The following GBE1 variants were observed in gnomAD, a reference collection of about 807,000 sequenced individuals.
GBE1 encodes 1,4-alpha-glucan-branching enzyme.
GBE1 carries 70 observed loss-of-function variants against 88.8 expected under a neutral mutation model. The ratio of observed to expected loss-of-function variants is 0.79; its 90% CI spans 0.65 to 0.96. The LOEUF (loss-of-function observed/expected upper bound fraction) is 0.96, where lower values mean the gene tolerates loss of function less well. Ranked by LOEUF, GBE1 falls within the 40% of genes least tolerant of loss-of-function variation. The pLI is 0.00. For synonymous variants in GBE1, 284 were observed against 300.1 expected, an observed-to-expected ratio of 0.95 and a Z score of 0.56; for missense variants, 872 against 871.0, an observed-to-expected ratio of 1.00 and a Z score of -0.01.
At chr3:81,553,960 A>G (rs1703313243) in intron 12 of GBE1, among the ~76,000 whole-genome samples, 1 of 152,132 alleles carries the variant, frequency 6.6e-6, no homozygotes, top group Admixed American at 6.5e-5. Flanking sequence ...AAAATATAAG[A>G]CGAGGATAAG....
chr3:81,649,507 T>C (rs541569579), intron 4 of GBE1, among the ~76,000 whole-genome samples: 2 of 137,656 alleles, frequency 1.5e-5, no homozygotes, highest in East Asian at 2.4e-4. Context: ...TCAGAAATTG[T>C]AGTTTAAAAA....
intron 3 of GBE1, among the ~76,000 whole-genome samples, chr3:81,659,625 G>A (rs1481010936): frequency 6.6e-6 from 1 of 151,194 alleles, no homozygotes; most frequent in Non-Finnish European, 1.5e-5. Flanking sequence ...TGTGATGACA[G>A]GTATGAGCCA....
intron 2 of GBE1, among the ~76,000 whole-genome samples, chr3:81,681,441 A>G (rs1559686058): frequency 6.6e-6 from 1 of 152,192 alleles, no homozygotes; most frequent in Non-Finnish European, 1.5e-5. Context: ...CTAAAACACA[A>G]TCTTCTATCT....
In GBE1 at chr3:81,737,284, AAAAT is replaced by A. The variant is rs1196900733; in HGVS notation, c.143+24087_143+24090del. Among the ~76,000 whole-genome samples, 100 of 141,210 alleles carry A rather than the reference AAAAT, an allele frequency of 7.1e-4. No individual in the cohort carries two copies. In the Middle Eastern group the frequency reaches 0.015, roughly 21 times the overall value. The allele number at this position is 141,210 out of a possible 152,430, so 92.6% of individuals were successfully genotyped here. A position where few individuals can be genotyped will look rare whatever the true frequency, so the allele number is the denominator to read the frequency against. The stretch of plus-strand genomic sequence containing the variant: ...ATAAATATATATATTCATGTACTTC[AAAAT>A]AAATATTTATATAAATATATATTTA... On this transcript the variant is annotated intron_variant, in intron 1 of 15. Coordinates refer to ENST00000429644, the MANE Select transcript of GBE1 (RefSeq NM_000158.4).
chr3:81,514,389 T>G (rs1173522090), intron 14 of GBE1, among the ~76,000 whole-genome samples: 1 of 151,706 alleles, frequency 6.6e-6, no homozygotes, highest in Non-Finnish European at 1.5e-5. Flanking sequence ...TGATATTATC[T>G]AAACACTTTC....
At chr3:81,679,542 G>A (rs924743871) in intron 2 of GBE1, among the ~76,000 whole-genome samples, 3 of 152,154 alleles carry the variant, frequency 2.0e-5, no homozygotes, top group African/African-American at 7.2e-5. Context: ...TGGTCCTTGG[G>A]ATAATTTGGA....
At chr3:81,612,321 A>G (rs1337776191) in intron 7 of GBE1, 5 of 855,052 alleles carry the variant, frequency 5.8e-6, no homozygotes, top group South Asian at 1.4e-5. Flanking sequence ...TGTTTCGTCA[A>G]ATCCATTCCA....
Position 81,761,543 on chromosome 3 carries a change from G to C in GBE1, c.-26C>G, listed in dbSNP as rs748550942. 2.9e-5 allele frequency: 42 copies of C among 1,445,716 alleles called. No homozygotes were observed. The highest frequency in any genetic ancestry group is 3.6e-5 in the Non-Finnish European group (40 of 1,105,270). The allele number at this position is 1,445,716 out of a possible 1,614,324, so 89.6% of individuals were successfully genotyped here. A position where few individuals can be genotyped will look rare whatever the true frequency, so the allele number is the denominator to read the frequency against. ...ATTCCGCCGCAGTCCAAGTAGCCGA[G>C]GCCCGAGAGGTCGAGTGGGGCCTGA... On this transcript the variant is annotated 5_prime_UTR_variant, in exon 1 of 16. Transcript: ENST00000429644.
At chr3:81,614,385 C>A (rs899541682) in intron 7 of GBE1, among the ~76,000 whole-genome samples, 3 of 152,134 alleles carry the variant, frequency 2.0e-5, no homozygotes, top group Non-Finnish European at 4.4e-5. Context: ...TTCTAAGTGA[C>A]TGCATAAGCA....
At chr3:81,582,060 C>A (rs972364146) in intron 10 of GBE1, among the ~76,000 whole-genome samples, 2 of 152,062 alleles carry the variant, frequency 1.3e-5, no homozygotes, top group Non-Finnish European at 2.9e-5. Flanking sequence ...ACTATAAATT[C>A]TCTTCCTCTG....
rs150990059 is a variant in GBE1 at position 81,549,030 on chromosome 3, CTT to C, written c.1619-11937_1619-11936del. ...AATTTGGAAACTATTTGTGAGTATT[CTT>C]TTTTTTTTTTTTTTTTCAGATGGAG... On this transcript the variant is annotated intron_variant, in intron 12 of 15. Coordinates refer to ENST00000429644, the MANE Select transcript of GBE1 (RefSeq NM_000158.4). 5.6e-3 allele frequency among the ~76,000 whole-genome samples: 645 copies of C among 114,234 alleles called. 12 individuals carry two copies. Among genetic ancestry groups the C allele is most frequent in the Middle Eastern group, 0.014 (3 of 222 alleles). The allele number at this position is 114,234 out of a possible 152,430, so 74.9% of individuals were successfully genotyped here.
chr3:81,572,550 T>G (rs975403014), intron 12 of GBE1, among the ~76,000 whole-genome samples: 1 of 152,200 alleles, frequency 6.6e-6, no homozygotes, highest in Non-Finnish European at 1.5e-5. Context: ...TAAATTTTGT[T>G]TAGTTAGCAG....
chr3:81,611,141 A>G (rs996167342), intron 7 of GBE1, among the ~76,000 whole-genome samples: 3 of 152,174 alleles, frequency 2.0e-5, no homozygotes, highest in Non-Finnish European at 4.4e-5. Context: ...AGAAGACAGA[A>G]CAGCACCAAA....
intron 12 of GBE1, among the ~76,000 whole-genome samples, chr3:81,574,902 C>G (rs530804616): frequency 2.0e-5 from 3 of 152,234 alleles, no homozygotes; most frequent in Admixed American, 6.5e-5. Context: ...CAGTGGCTCA[C>G]GCCTGTAATC....
At chr3:81,715,216 G>A (rs1003153823) in intron 1 of GBE1, among the ~76,000 whole-genome samples, 7 of 152,030 alleles carry the variant, frequency 4.6e-5, no homozygotes, top group African/African-American at 9.7e-5. Flanking sequence ...GAGATATATC[G>A]TCTCACTTGA....
Position 81,651,831 on chromosome 3 carries a change from G to T in GBE1, c.430-1910C>A, listed in dbSNP as rs145007966. Among the ~76,000 whole-genome samples, 11 of 152,250 alleles carry T rather than the reference G, an allele frequency of 7.2e-5. No homozygotes were observed. The East Asian group carries it at 2.1e-3, about 29-fold the overall frequency. On this transcript the variant is annotated intron_variant, in intron 3 of 15. Coordinates refer to ENST00000429644, the MANE Select transcript of GBE1 (RefSeq NM_000158.4). The stretch of plus-strand genomic sequence containing the variant: ...GTGTCTGTTGGCAGAGAAAATACTT[G>T]CAATTTTAAGACATGAAGAATCTAC...
chr3:81,524,483 C>G (rs1702917786), intron 14 of GBE1, among the ~76,000 whole-genome samples: 1 of 151,754 alleles, frequency 6.6e-6, no homozygotes, highest in Non-Finnish European at 1.5e-5. Flanking sequence ...TTAACTTGCT[C>G]TCATCTCATT....
intron 14 of GBE1, among the ~76,000 whole-genome samples, chr3:81,531,090 T>C (rs1376974147): frequency 6.6e-6 from 1 of 151,148 alleles, no homozygotes; most frequent in Non-Finnish European, 1.5e-5. Flanking sequence ...GGAGCCTCTC[T>C]ATCCATGGCC....
chr3:81,665,917 T>A (rs560622608), intron 3 of GBE1, among the ~76,000 whole-genome samples: 1 of 152,198 alleles, frequency 6.6e-6, no homozygotes, highest in East Asian at 1.9e-4. Flanking sequence ...TATAAAATTA[T>A]GTTAGCTATT....
Sources: gnomAD v4.1 joint callset for allele counts (sites outside exome capture counted in the v4.1 genomes callset) on GRCh38, gnomAD v4.1.1 for gene constraint, MANE v1.5 for transcripts, NCBI Gene and HGNC (gene_info 2026-07-23, HGNC 2026-07-21) for gene names.